The following VPS13C variants were observed in gnomAD, a reference collection of about 807,000 sequenced individuals.
VPS13C encodes vacuolar protein sorting 13 homolog C, also known as intermembrane lipid transfer protein VPS13C.
Under a neutral mutation model 456.8 loss-of-function variants are expected in VPS13C, and 358 were observed. That is an observed-to-expected ratio of 0.78 (90% CI 0.72 to 0.86). VPS13C has a LOEUF of 0.86. VPS13C is among the 40% of genes least tolerant of loss of function. VPS13C has a pLI of 0.00. For missense variants in VPS13C, 4,818 were observed against 4,385.4 expected (o/e 1.10, Z -2.79); for synonymous variants, 1,578 against 1,486.7 (o/e 1.06, Z -1.41).
chr15:61,936,889 C>T, intron 47 of VPS13C, 139 bp from the exon 48 acceptor site: 1 of 923,466 alleles, frequency 1.1e-6, no homozygotes, highest in Admixed American at 2.9e-5. Context: ...ACTATAAATA[C>T]CAGAACAGAA....
chr15:61,937,313 CA>C (rs1389690519), intron 47 of VPS13C, among the ~76,000 whole-genome samples: 1 of 151,916 alleles, frequency 6.6e-6, no homozygotes, highest in African/African-American at 2.4e-5. Context: ...GTTTAAAGAA[CA>C]AAAAATAGGA....
intron 68 of VPS13C, 133 bp from the exon 69 acceptor site, chr15:61,882,869 G>T: frequency 1.1e-6 from 1 of 892,742 alleles, no homozygotes; most frequent in Non-Finnish European, 1.5e-6. Flanking sequence ...ATCTTAAGGT[G>T]ATCTACAGTT....
chr15:62,049,017 G>A (rs1277657734), intron 1 of VPS13C, among the ~76,000 whole-genome samples: 2 of 150,046 alleles, frequency 1.3e-5, no homozygotes, highest in African/African-American at 4.9e-5. Flanking sequence ...TTTGTCAGAT[G>A]AGTAGGTTGC....
Position 61,858,601 on chromosome 15 carries a change from C to A in VPS13C, c.10953-2192G>T, listed in dbSNP as rs1003028837. 1.3e-5 allele frequency among the ~76,000 whole-genome samples: 2 copies of A among 152,102 alleles called. No individual in the cohort carries two copies. Among genetic ancestry groups the A allele is most frequent in the Non-Finnish European group, 2.9e-5 (2 of 68,020 alleles). ...ACTTTGAATATAATGGATTTTACTT[C>A]CAAGATTAGGTTATTATAAGGCACA... On this transcript the variant is annotated intron_variant, in intron 82 of 84. Coordinates refer to ENST00000644861, the MANE Select transcript of VPS13C (RefSeq NM_020821.3). This position sits in a 1 kb window ranked among gnomAD's most constrained non-coding sequence, Gnocchi z 4.4.
Position 61,969,337 on chromosome 15 carries a change from T to C in VPS13C, c.2873A>G (p.Tyr958Cys), listed in dbSNP as rs2045475760. 1.2e-6 allele frequency: 2 copies of C among 1,602,536 alleles called. No homozygotes were observed. The highest frequency in any genetic ancestry group is 1.1e-5 in the South Asian group (1 of 88,224). ...ATAATCCAAGCTGATTTTCTTTAAATAAGATACCACAGTTAAGTCAAATGT... is the reference window on the plus strand; with the variant it reads ...ATAATCCAAGCTGATTTTCTTTAAACAAGATACCACAGTTAAGTCAAATGT... ...MRTFDLTVVS[Y>C]LKKISLDYHE... The change falls in exon 28 of 85, where the codon TAT becomes TGT. Residue 958 changes from tyrosine to cysteine, a missense_variant. By Grantham distance (194) the Tyr-to-Cys change is radical. Coordinates refer to ENST00000644861, the MANE Select transcript of VPS13C (RefSeq NM_020821.3).
chr15:62,014,502 T>G (rs1368296707), intron 9 of VPS13C, among the ~76,000 whole-genome samples: 1 of 152,104 alleles, frequency 6.6e-6, no homozygotes, highest in Non-Finnish European at 1.5e-5. Context: ...GAGAGTACAG[T>G]GAGCACATAG....
chr15:61,947,498 C>T lies in VPS13C; in HGVS notation c.4760-189G>A, dbSNP rs7172145. On this transcript the variant is annotated intron_variant, in intron 42 of 84. Coordinates refer to ENST00000644861, the MANE Select transcript of VPS13C (RefSeq NM_020821.3). ...AAATTCCAATCTACAAAAATTAGCA[C>T]GTTCCCCTTCAAATTAAGAATAAAA... Among the ~76,000 whole-genome samples the T allele has an allele frequency of 0.61, 92,605 of 151,768 alleles. 28,535 individuals are homozygous for T. Among genetic ancestry groups the T allele is most frequent in the East Asian group, 0.76 (3,921 of 5,172 alleles).
intron 15 of VPS13C, among the ~76,000 whole-genome samples, chr15:62,004,849 A>G (rs1438362002): frequency 1.3e-5 from 2 of 152,038 alleles, no homozygotes; most frequent in Admixed American, 6.6e-5. Flanking sequence ...GATTCTTAAT[A>G]CTGAGTTCTA....
chr15:61,936,543 A>G, intron 48 of VPS13C, 54 bp downstream of exon 48: 1 of 1,461,736 alleles, frequency 6.8e-7, no homozygotes, highest in Non-Finnish European at 9.1e-7. Context: ...CTAAATATAA[A>G]TATGACATTA....
chr15:62,037,296 T>C (rs1195349534), intron 3 of VPS13C, among the ~76,000 whole-genome samples: 18 of 74,838 alleles, frequency 2.4e-4, no homozygotes, highest in African/African-American at 1.0e-3. Context: ...TATTATATTA[T>C]ATAATATATA....
intron 81 of VPS13C, chr15:61,866,407 A>G: frequency 1.0e-6 from 1 of 983,806 alleles, no homozygotes; most frequent in Non-Finnish European, 1.2e-6. Context: ...CAAGGAAAAA[A>G]TTAATAACAG....
intron 14 of VPS13C, among the ~76,000 whole-genome samples, chr15:62,008,175 G>A (rs562102269): frequency 6.6e-6 from 1 of 152,184 alleles, no homozygotes; most frequent in Non-Finnish European, 1.5e-5. Context: ...AGGTTGCAAT[G>A]AGCCAAGATC....
chr15:61,959,297 G>A (rs2045113410), intron 36 of VPS13C, 151 bp downstream of exon 36: 5 of 649,530 alleles, frequency 7.7e-6, no homozygotes, highest in Non-Finnish European at 1.2e-5. Flanking sequence ...AAATTCTACT[G>A]AAAATAATAA....
rs749246259 is a variant in VPS13C at position 62,007,316 on chromosome 15, C to T, written c.1282G>A (p.Glu428Lys). The part of the protein sequence containing the change: ...QSKVSEEIQK[E>K]IQDLEKTLDV... ...ATATATGCAAGATATACCTGAATTT[C>T]TTTCTGTATTTCTTCTGAGACTTTA... Residue 428 changes from glutamate (E) to lysine (K), a missense_variant, in exon 15 of 85, where the codon GAA becomes AAA. Glu to Lys is a moderately conservative substitution (Grantham distance 56, BLOSUM62 1). Transcript: ENST00000644861. 6.2e-7 allele frequency: 1 copy of T among 1,604,948 alleles called. No homozygotes were observed. The highest frequency in any genetic ancestry group is 8.5e-7 in the Non-Finnish European group (1 of 1,176,566).
intron 47 of VPS13C, among the ~76,000 whole-genome samples, chr15:61,937,716 C>T (rs900610280): frequency 1.3e-5 from 2 of 152,186 alleles, no homozygotes; most frequent in African/African-American, 4.8e-5. Context: ...CCTCGTGATC[C>T]AACCGCCTCG....
chr15:61,928,302 A>G (rs1261580620), intron 51 of VPS13C, among the ~76,000 whole-genome samples: 1 of 152,150 alleles, frequency 6.6e-6, no homozygotes, highest in Non-Finnish European at 1.5e-5. Context: ...CAAGAAGGGG[A>G]AAACTGGAAA....
At chr15:61,979,450 C>T (rs1476988171) in intron 22 of VPS13C, among the ~76,000 whole-genome samples, 1 of 152,012 alleles carries the variant, frequency 6.6e-6, no homozygotes, top group Non-Finnish European at 1.5e-5. Flanking sequence ...AAACAAATAC[C>T]AAATTTATGC....
At chr15:61,995,361 T>C (rs1323957269) in intron 16 of VPS13C, among the ~76,000 whole-genome samples, 1 of 152,218 alleles carries the variant, frequency 6.6e-6, no homozygotes, top group East Asian at 1.9e-4. Context: ...TTTTCTCACA[T>C]GTTGTGCCCA....
chr15:61,882,199 G>A (rs62009077), intron 69 of VPS13C, among the ~76,000 whole-genome samples: 2 of 152,078 alleles, frequency 1.3e-5, no homozygotes, highest in Non-Finnish European at 2.9e-5. Flanking sequence ...AGCCTAAACA[G>A]TACTTAACAG....
Sources: gnomAD v4.1 joint callset for allele counts (sites outside exome capture counted in the v4.1 genomes callset) on GRCh38, gnomAD v4.1.1 for gene constraint, Gnocchi (gnomAD v3.1) non-coding constraint, MANE v1.5 for transcripts, NCBI Gene and HGNC (gene_info 2026-07-23, HGNC 2026-07-21) for gene names.